The following ATP10B variants were observed in gnomAD, a reference collection of about 807,000 sequenced individuals.
The protein encoded by ATP10B is ATPase phospholipid transporting 10B (putative).
A neutral mutation model predicts 141.2 loss-of-function variants in ATP10B; 122 were observed. That is an observed-to-expected ratio of 0.86 (90% CI 0.75 to 1.00). The LOEUF is 1.00. Among genes scored for constraint, ATP10B ranks in the 50% least tolerant of loss-of-function variants. ATP10B has a pLI of 0.00. For missense variants in ATP10B, 1,876 were observed against 1,825.3 expected (o/e 1.03, Z -0.51); for synonymous variants, 685 against 692.0 (o/e 0.99, Z 0.16).
At position 160,666,421 on chromosome 5, in the gene ATP10B, G is replaced by A. The variant is rs1305084774; in HGVS notation, c.675+4042C>T. Among the ~76,000 whole-genome samples the A allele has an allele frequency of 2.6e-5, 4 of 152,078 alleles. 1 individual carries two copies. Among genetic ancestry groups the A allele is most frequent in the Admixed American group, 2.0e-4 (3 of 15,262 alleles). ...TTAGTGGTAGCCCACCCCTCCTACA[G>A]TAGTTCTGAGATGTGTTTCTTGGGA... is the stretch of plus-strand genomic sequence containing the variant. On this transcript the variant is annotated intron_variant, in intron 7 of 25. Coordinates refer to ENST00000327245, the MANE Select transcript of ATP10B (RefSeq NM_025153.3).
intron 3 of ATP10B, among the ~76,000 whole-genome samples, chr5:160,704,628 T>C (rs953477041): frequency 6.6e-6 from 1 of 152,194 alleles, no homozygotes; most frequent in African/African-American, 2.4e-5. Flanking sequence ...CTTTGATATT[T>C]TGAAGCCAGG....
intron 24 of ATP10B, among the ~76,000 whole-genome samples, chr5:160,583,130 G>A (rs957172260): frequency 6.6e-6 from 1 of 152,156 alleles, no homozygotes; most frequent in Non-Finnish European, 1.5e-5. Flanking sequence ...TGCTGGTGAG[G>A]AGTTGTGATC....
intron 1 of ATP10B, among the ~76,000 whole-genome samples, chr5:160,801,967 G>A (rs1426724071): frequency 1.3e-5 from 2 of 152,102 alleles, no homozygotes; most frequent in Non-Finnish European, 1.5e-5. Context: ...AATATTTATC[G>A]GATGCAGGCA....
At position 160,771,638 on chromosome 5, in the gene ATP10B, C is replaced by G. The variant is rs115043106; in HGVS notation, c.-331+13921G>C. On this transcript the variant is annotated intron_variant, in intron 2 of 25. Transcript: ENST00000327245. ...ACATATTCATAATCTCACATAGTCT[C>G]TCCCCACTTTTTGTGGTAAGAATAC... is the stretch of plus-strand genomic sequence containing the variant. 8.6e-3 allele frequency among the ~76,000 whole-genome samples: 1,301 copies of G among 151,994 alleles called. 23 individuals carry two copies. Among genetic ancestry groups the G allele is most frequent in the African/African-American group, 0.03 (1,225 of 41,432 alleles).
rs906361737 is a variant in ATP10B, at chr5:160,696,300, C to T, written c.-204-7357G>A. On this transcript the variant is annotated intron_variant, in intron 3 of 25. Transcript: ENST00000327245. ...TTTTTTGTGTTTTTTTGTAGAGACACGGTTTCCCATTTTGGCCAGGCTGGT... is the reference window on the plus strand; with the variant it reads ...TTTTTTGTGTTTTTTTGTAGAGACATGGTTTCCCATTTTGGCCAGGCTGGT... 5.3e-5 allele frequency among the ~76,000 whole-genome samples: 8 copies of T among 151,914 alleles called. No individual in the cohort carries two copies. The East Asian group carries it at 1.4e-3, about 26-fold the overall frequency.
rs114466137 is a variant in ATP10B, at chr5:160,834,738, T to C, written c.-576+17203A>G. Among the ~76,000 whole-genome samples the C allele has an allele frequency of 6.0e-3, 917 of 152,276 alleles. 13 individuals carry two copies. The highest frequency in any genetic ancestry group is 0.021 in the African/African-American group (873 of 41,562). ...TCTCATCAGGCTGAGAAATTTTTGG[T>C]TACACTCCTTGTGGTATACGTTTCT... On this transcript the variant is annotated intron_variant, in intron 1 of 25. Coordinates refer to ENST00000327245, the MANE Select transcript of ATP10B (RefSeq NM_025153.3).
intron 2 of ATP10B, among the ~76,000 whole-genome samples, chr5:160,734,106 C>CAAAA (rs34655958): frequency 4.4e-5 from 3 of 67,906 alleles, no homozygotes; most frequent in African/African-American, 5.7e-5. Context: ...GACTCCATCT[C>CAAAA]AAAAAAAAAA....
At chr5:160,771,221 G>A (rs1027256094) in intron 2 of ATP10B, among the ~76,000 whole-genome samples, 1 of 152,140 alleles carries the variant, frequency 6.6e-6, no homozygotes. Flanking sequence ...AGCCTTACAA[G>A]GTAAACATTC....
intron 1 of ATP10B, among the ~76,000 whole-genome samples, chr5:160,843,676 A>G (rs887978027): frequency 1.3e-5 from 2 of 152,168 alleles, no homozygotes; most frequent in African/African-American, 4.8e-5. Flanking sequence ...ATATTTAAAA[A>G]GTTTTGATCA....
At chr5:160,646,283 A>G in intron 8 of ATP10B, among the ~76,000 whole-genome samples, 1 of 152,118 alleles carries the variant, frequency 6.6e-6, no homozygotes, top group South Asian at 2.1e-4. Context: ...TGAATATGTC[A>G]AGGAGGATGT....
intron 1 of ATP10B, among the ~76,000 whole-genome samples, chr5:160,829,357 A>G (rs911000633): frequency 2.0e-5 from 3 of 152,144 alleles, no homozygotes; most frequent in Admixed American, 6.6e-5. Context: ...TGGTTACTGC[A>G]CGCTTATAGT....
chr5:160,684,973 T>C (rs907362948), intron 6 of ATP10B: 4 of 703,346 alleles, frequency 5.7e-6, no homozygotes, highest in Non-Finnish European at 1.0e-5. Flanking sequence ...CTGGAAAGCA[T>C]TGACCACAGG....
At chr5:160,868,521 TACACACACACACACACAC>T in the ATP10B span, among the ~76,000 whole-genome samples, 274 of 130,404 alleles carry the variant, frequency 2.1e-3, 3 homozygotes, top group African/African-American at 7.3e-3. Context: ...TATGAACAGA[TACACACACACACACACAC>T]ACACACACAC....
rs569373729 is a variant in ATP10B, at chr5:160,705,735, A to T, written c.-205+11174T>A. ...AGCAATAAGGCTGTTTTGCTTTCTT[A>T]CCATTTGTGTATTCACTGGAATAGC... On this transcript the variant is annotated intron_variant, in intron 3 of 25. Transcript: ENST00000327245. 7.2e-5 allele frequency among the ~76,000 whole-genome samples: 11 copies of T among 152,220 alleles called. No individual in the cohort carries two copies. The South Asian group carries it at 2.1e-3, about 29-fold the overall frequency.
chr5:160,793,552 G>C (rs1771741159), intron 1 of ATP10B, among the ~76,000 whole-genome samples: 1 of 152,184 alleles, frequency 6.6e-6, no homozygotes, highest in African/African-American at 2.4e-5. Context: ...AGTCCTGTAA[G>C]GTTACAATGG....
chr5:160,879,628 A>G, the ATP10B span, among the ~76,000 whole-genome samples: 6 of 152,038 alleles, frequency 3.9e-5, no homozygotes, highest in African/African-American at 1.4e-4. Context: ...GGTGAGGTCA[A>G]GAGATGGAGA....
intron 9 of ATP10B, among the ~76,000 whole-genome samples, chr5:160,643,571 A>G (rs1760040104): frequency 6.6e-6 from 1 of 152,224 alleles, no homozygotes; most frequent in African/African-American, 2.4e-5. Flanking sequence ...AAGCAGGATC[A>G]AAGTGGGAAG....
In ATP10B at chr5:160,635,624, C is replaced by T. The variant is rs140314967; in HGVS notation, c.1128+558G>A. Among the ~76,000 whole-genome samples, 6 of 152,288 alleles carry T rather than the reference C, an allele frequency of 3.9e-5. No homozygotes were observed. In the East Asian group the frequency reaches 1.2e-3, roughly 29 times the overall value. On this transcript the variant is annotated intron_variant, in intron 11 of 25. Transcript: ENST00000327245. ...CCACAAAAGGAAAACTACAACTTCC[C>T]TCATCTTTTCATTGATTGTATTTTC...
At chr5:160,690,797 G>A (rs1764030909) in intron 3 of ATP10B, among the ~76,000 whole-genome samples, 1 of 152,186 alleles carries the variant, frequency 6.6e-6, no homozygotes, top group Non-Finnish European at 1.5e-5. Context: ...AGAGAGTGTG[G>A]TGATTTCTCA....
Sources: gnomAD v4.1 joint callset for allele counts (sites outside exome capture counted in the v4.1 genomes callset) on GRCh38, gnomAD v4.1.1 for gene constraint, MANE v1.5 for transcripts, NCBI Gene and HGNC (gene_info 2026-07-23, HGNC 2026-07-21) for gene names.